PDE10A: variants seen among roughly 807,000 people sequenced by gnomAD.
PDE10A encodes the protein cAMP and cAMP-inhibited cGMP 3',5'-cyclic phosphodiesterase 10A.
In PDE10A, 39 loss-of-function variants were observed where a neutral mutation model predicts 97.7. That is an observed-to-expected ratio of 0.40 (90% CI 0.31 to 0.52). The LOEUF is 0.52. PDE10A is among the 20% of genes least tolerant of loss of function. The probability of loss-of-function intolerance (pLI) is 0.56; values close to 1 mark genes in which losing one functional copy is unlikely to be tolerated. For synonymous variants in PDE10A, 371 were observed against 376.8 expected (o/e 0.98, Z 0.18); for missense variants, 731 against 1,047.8 (o/e 0.70, Z 4.17).
intron 1 of PDE10A, among the ~76,000 whole-genome samples, chr6:165,936,898 G>A (rs73027537): frequency 0.13 from 20,468 of 152,166 alleles, 2,012 homozygotes; most frequent in African/African-American, 0.27. Flanking sequence ...CTGAGAAAGG[G>A]CATTTGTGCT....
intron 3 of PDE10A, among the ~76,000 whole-genome samples, chr6:165,478,998 T>C (rs1164343214): frequency 1.3e-5 from 2 of 152,236 alleles, no homozygotes; most frequent in Admixed American, 1.3e-4. Flanking sequence ...TGATATCTTA[T>C]GTCTCCCTAA....
chr6:165,671,765 T>C lies in PDE10A; in HGVS notation c.-614-128197A>G, dbSNP rs570848576. ...TATGTGTGTGTTTACATATATACAG[T>C]GTGTGTGTGCTTTATTCTCTAAGGC... On this transcript the variant is annotated intron_variant, in intron 1 of 19. Transcript: ENST00000366882. This position sits in a 1 kb window ranked among gnomAD's most constrained non-coding sequence, Gnocchi z 4.6. Among the ~76,000 whole-genome samples, 62 of 152,248 alleles carry C rather than the reference T, an allele frequency of 4.1e-4. No homozygotes were observed. In the South Asian group the frequency reaches 9.8e-3, roughly 24 times the overall value.
chr6:165,649,251 C>G (rs1789557355), intron 1 of PDE10A, among the ~76,000 whole-genome samples: 1 of 152,038 alleles, frequency 6.6e-6, no homozygotes, highest in Non-Finnish European at 1.5e-5. Flanking sequence ...AAAATAAAAC[C>G]AAGCAGCGGA....
At chr6:165,373,826 A>C (rs373939925) in intron 18 of PDE10A, among the ~76,000 whole-genome samples, 138 of 151,984 alleles carry the variant, frequency 9.1e-4, no homozygotes, top group African/African-American at 2.8e-3. Context: ...GACTTGGAAC[A>C]AACCCAAATG....
At chr6:165,597,934 C>A (rs971874963) in intron 1 of PDE10A, among the ~76,000 whole-genome samples, 2 of 152,118 alleles carry the variant, frequency 1.3e-5, no homozygotes, top group Non-Finnish European at 2.9e-5. Flanking sequence ...TGTGTGTGAC[C>A]CACATGCAAG....
chr6:165,737,942 C>T (rs73030233), intron 1 of PDE10A, among the ~76,000 whole-genome samples: 6,972 of 152,246 alleles, frequency 0.046, 272 homozygotes, highest in South Asian at 0.18. Flanking sequence ...AGCTAATAAA[C>T]AGCTTCAGTA....
At chr6:165,361,282 C>T (rs1249333764) in intron 18 of PDE10A, among the ~76,000 whole-genome samples, 1 of 151,974 alleles carries the variant, frequency 6.6e-6, no homozygotes, top group African/African-American at 2.4e-5. Flanking sequence ...GGAACATCCC[C>T]CAGGCTAAAT....
chr6:165,605,921 C>T (rs1440169299), intron 1 of PDE10A, among the ~76,000 whole-genome samples: 1 of 152,118 alleles, frequency 6.6e-6, no homozygotes, highest in Non-Finnish European at 1.5e-5. Context: ...ATTAATATGT[C>T]ATCATACGCA....
chr6:165,359,358 T>C (rs1023873832), intron 18 of PDE10A, among the ~76,000 whole-genome samples: 1 of 152,166 alleles, frequency 6.6e-6, no homozygotes, highest in Non-Finnish European at 1.5e-5. Context: ...TTTTGAAGAA[T>C]GTTTCTAATG....
At chr6:165,455,452 T>C (rs922436404) in intron 3 of PDE10A, among the ~76,000 whole-genome samples, 1 of 152,130 alleles carries the variant, frequency 6.6e-6, no homozygotes, top group Admixed American at 6.5e-5. Context: ...CTTGGAGAAA[T>C]CTGAGGGAAG....
intron 1 of PDE10A, among the ~76,000 whole-genome samples, chr6:165,848,669 G>A (rs1470598102): frequency 6.6e-6 from 1 of 152,176 alleles, no homozygotes; most frequent in Non-Finnish European, 1.5e-5. Context: ...TGGCCCCAAG[G>A]TTGGCAGAAC....
chr6:165,712,616 G>A (rs182478708), intron 1 of PDE10A, among the ~76,000 whole-genome samples: 2 of 148,370 alleles, frequency 1.3e-5, no homozygotes, highest in African/African-American at 4.9e-5. Context: ...CATGAGGAAC[G>A]TTTCAACTTT....
intron 1 of PDE10A, among the ~76,000 whole-genome samples, chr6:165,573,738 G>T (rs1170449427): frequency 1.3e-5 from 2 of 152,204 alleles, no homozygotes; most frequent in African/African-American, 2.4e-5. Context: ...AAACAGACAG[G>T]AATCTGGCCT....
intron 18 of PDE10A, among the ~76,000 whole-genome samples, chr6:165,361,871 C>G (rs2128193407): frequency 6.6e-6 from 1 of 152,268 alleles, no homozygotes; most frequent in Admixed American, 6.5e-5. Flanking sequence ...AAATAAATTT[C>G]TATTGTTTTA....
chr6:165,495,671 C>T (rs76788301), intron 2 of PDE10A, among the ~76,000 whole-genome samples: 4,061 of 152,152 alleles, frequency 0.027, 199 homozygotes, highest in African/African-American at 0.094. Context: ...AATTCCTTTG[C>T]TCTAATCTGG....
At position 165,758,101 on chromosome 6, in the gene PDE10A, ATTATC is replaced by A. The variant is rs368743091; in HGVS notation, c.-614-214538_-614-214534del. Among the ~76,000 whole-genome samples the A allele has an allele frequency of 3.6e-3, 543 of 152,354 alleles. 2 individuals carry two copies. Among genetic ancestry groups the A allele is most frequent in the African/African-American group, 0.013 (526 of 41,574 alleles). On this transcript the variant is annotated intron_variant, in intron 1 of 19. Transcript: ENST00000366882. Reference sequence around the variant, plus strand: ...AGTGGAAGGTTATGATTGATGCTAAATTATCTTAACTTTTTCATGAGATTAAAAAC... The same window carrying A: ...AGTGGAAGGTTATGATTGATGCTAAATTAACTTTTTCATGAGATTAAAAAC...
In PDE10A at chr6:165,662,038, C is replaced by A. The variant is rs1376786728; in HGVS notation, c.774G>T (p.Ala258=). The A allele has an allele frequency of 1.9e-5, 28 of 1,482,520 alleles. No homozygotes were observed. The highest frequency in any genetic ancestry group is 2.3e-5 in the Non-Finnish European group (26 of 1,110,182). The allele number at this position is 1,482,520 out of a possible 1,614,324, so 91.8% of individuals were successfully genotyped here. The stretch of plus-strand genomic sequence containing the variant: ...TGTCGGAGCCGAAGAGCAGCGCGGC[C>A]GCGGCGGCGAGGGCGAAGCTGGCGC... The part of the protein sequence containing the change: ...PQGASFALAA[A]AALLFGSDME... The change falls in exon 1 of 22, where the codon GCG becomes GCT. Residue 258 remains alanine (A), a synonymous_variant. Coordinates refer to ENST00000539869, the MANE Select transcript of PDE10A (RefSeq NM_001385079.1).
At chr6:165,576,920 T>C (rs1268200040) in intron 1 of PDE10A, among the ~76,000 whole-genome samples, 8 of 152,194 alleles carry the variant, frequency 5.3e-5, no homozygotes, top group Admixed American at 5.2e-4. Flanking sequence ...ACATCAGTCA[T>C]GGTAATGCTC....
At chr6:165,465,371 A>G (rs532397822) in intron 3 of PDE10A, among the ~76,000 whole-genome samples, 13 of 152,342 alleles carry the variant, frequency 8.5e-5, no homozygotes, top group Admixed American at 2.0e-4. Flanking sequence ...GGGCCAGTAG[A>G]TATTCACCCT....
Sources: allele counts gnomAD v4.1 joint callset (sites outside exome capture counted in the v4.1 genomes callset), GRCh38; gene constraint gnomAD v4.1.1; non-coding constraint Gnocchi (gnomAD v3.1); transcripts MANE v1.5; gene names NCBI Gene and HGNC (gene_info 2026-07-23, HGNC 2026-07-21).